The following RRM2 variants were observed in gnomAD, a reference collection of about 807,000 sequenced individuals.
RRM2 encodes the protein ribonucleoside-diphosphate reductase subunit M2.
RRM2 carries 6 observed loss-of-function variants against 45.9 expected under a neutral mutation model. That is an observed-to-expected ratio of 0.13 (90% CI 0.07 to 0.26). The LOEUF is 0.26. RRM2 is among the 10% of genes least tolerant of loss of function. RRM2 has a pLI of 1.00. For missense variants in RRM2, 343 were observed against 489.5 expected (o/e 0.70, Z 2.82); for synonymous variants, 177 against 173.0 (o/e 1.02, Z -0.18).
intron 3 of RRM2, among the ~76,000 whole-genome samples, chr2:10,146,407 A>G (rs1275947915): frequency 6.6e-6 from 1 of 152,224 alleles, no homozygotes; most frequent in Non-Finnish European, 1.5e-5. Context: ...GCTCCCTGGT[A>G]ATTCTCATGT....
At chr2:10,141,776 G>C (rs1031633622) in intron 1 of RRM2, 16 of 1,538,532 alleles carry the variant, frequency 1.0e-5, no homozygotes, top group Middle Eastern at 1.9e-4. Flanking sequence ...GGTGGCCATG[G>C]CCTGGGGCTG....
Position 10,127,120 on chromosome 2 carries a change from G to A in RRM2, c.698G>A (p.Gly233Asp). 6.2e-7 allele frequency: 1 copy of A among 1,614,174 alleles called. No homozygotes were observed. The highest frequency in any genetic ancestry group is 8.5e-7 in the Non-Finnish European group (1 of 1,180,032). ...ERVVAFAAVE[G>D]IFFSGSFASI... ...GTTGTAGCCTTTGCTGCAGTGGAAG[G>A]CATTTTCTTTTCCGGTTCTTTTGCG... The change falls in exon 7 of 10, where the codon GGC becomes GAC. Residue 233 changes from glycine to aspartate, a missense_variant. By Grantham distance (94) the Gly-to-Asp change is moderately conservative (BLOSUM62 -1). This residue lies in a region of RRM2 where 212 missense variants were observed against 368.1 expected (regional missense o/e 0.58). Coordinates refer to ENST00000304567, the MANE Select transcript of RRM2 (RefSeq NM_001034.4). This position sits in a 1 kb window ranked among gnomAD's most constrained non-coding sequence, Gnocchi z 4.1.
rs184015149 is a variant in RRM2 at position 10,127,259 on chromosome 2, A to C, written c.798+39A>C. 6.3e-7 allele frequency: 1 copy of C among 1,598,842 alleles called. No individual in the cohort carries two copies. The highest frequency in any genetic ancestry group is 1.1e-5 in the South Asian group (1 of 90,786). ...AAATAATAGGGTGACCTAAACCCCA[A>C]ACACAACTCGGGCATGCTCTTGTGT... On this transcript the variant is annotated intron_variant, in intron 7 of 9. Transcript: ENST00000304567. This position sits in a 1 kb window ranked among gnomAD's most constrained non-coding sequence, Gnocchi z 4.1.
intron 3 of RRM2, among the ~76,000 whole-genome samples, chr2:10,177,978 G>GCC (rs1329400073): frequency 2.7e-5 from 4 of 150,236 alleles, no homozygotes; most frequent in Middle Eastern, 3.2e-3. Flanking sequence ...CTGGAGTGCA[G>GCC]TGGCGCGATC....
intron 3 of RRM2, among the ~76,000 whole-genome samples, chr2:10,161,030 C>T (rs190425721): frequency 3.9e-4 from 59 of 152,354 alleles, no homozygotes; most frequent in Admixed American, 5.9e-4. Flanking sequence ...CTGAGCTACA[C>T]AGCACTGAGC....
At chr2:10,155,375 T>A (rs1258374965) in intron 3 of RRM2, among the ~76,000 whole-genome samples, 1 of 152,196 alleles carries the variant, frequency 6.6e-6, no homozygotes, top group Non-Finnish European at 1.5e-5. Flanking sequence ...CCTTTTGCTG[T>A]GGACAGAAGG....
At chr2:10,152,476 A>ATT (rs34724080) in intron 3 of RRM2, among the ~76,000 whole-genome samples, 5 of 134,958 alleles carry the variant, frequency 3.7e-5, no homozygotes, top group African/African-American at 1.4e-4. Context: ...TCTGTGTACT[A>ATT]TTTTTTTTTT....
chr2:10,177,516 ATGT>A (rs1160656097), intron 3 of RRM2, among the ~76,000 whole-genome samples: 5 of 152,154 alleles, frequency 3.3e-5, no homozygotes, highest in African/African-American at 9.7e-5. Flanking sequence ...TGTTGATTCA[ATGT>A]CCTCAGATCT....
At chr2:10,190,548 G>A (rs1260019245) in intron 3 of RRM2, among the ~76,000 whole-genome samples, 1 of 150,846 alleles carries the variant, frequency 6.6e-6, no homozygotes, top group African/African-American at 2.4e-5. Flanking sequence ...GATGGTGGTG[G>A]TGAGGATGGT....
upstream of RRM2, among the ~76,000 whole-genome samples, chr2:10,137,194 G>C (rs1166442189): frequency 1.3e-5 from 2 of 152,212 alleles, no homozygotes; most frequent in African/African-American, 2.4e-5. Flanking sequence ...GAGGCTCAGG[G>C]AGGCCATGTG....
At chr2:10,123,596 G>C in intron 3 of RRM2, 66 bp downstream of exon 3, 1 of 1,563,760 alleles carries the variant, frequency 6.4e-7, no homozygotes, top group Non-Finnish European at 8.7e-7. Flanking sequence ...AAATGCACTT[G>C]GAGGTTCCCG....
chr2:10,154,758 C>T (rs1259527693), intron 3 of RRM2, among the ~76,000 whole-genome samples: 10 of 142,168 alleles, frequency 7.0e-5, no homozygotes, highest in Non-Finnish European at 9.0e-5. Flanking sequence ...TGCAGTGGCG[C>T]GATCTCGGCT....
rs762629128 is a variant in RRM2 at position 10,122,876 on chromosome 2, C to T, written c.78C>T (p.Ser26=). The T allele has an allele frequency of 4.4e-6, 7 of 1,597,136 alleles. No homozygotes were observed. In the South Asian group the frequency reaches 4.5e-5, roughly 10 times the overall value. ...QLQLSPLKGL[S]LVDKENTPPA... is the part of the protein sequence containing the mutation. Reference sequence around the variant, plus strand: ...AGCTCTCGCCGCTGAAGGGGCTCAGCTTGGTCGACAAGGAGAACACGGTGA... The same window carrying T: ...AGCTCTCGCCGCTGAAGGGGCTCAGTTTGGTCGACAAGGAGAACACGGTGA... Residue 26 remains serine, a synonymous_variant, in exon 1 of 10, where the codon AGC becomes AGT. Coordinates refer to ENST00000304567, the MANE Select transcript of RRM2 (RefSeq NM_001034.4).
In RRM2 at chr2:10,124,996, C is replaced by T. The variant is rs971390934; in HGVS notation, c.569+146C>T. On this transcript the variant is annotated intron_variant, in intron 5 of 9. Transcript: ENST00000304567. ...CCCAGCACCCGTGGTCATGTCTGCTCTTAGCAAGGGGCCTAAATGCACTTT... is the reference window on the plus strand; with the variant it reads ...CCCAGCACCCGTGGTCATGTCTGCTTTTAGCAAGGGGCCTAAATGCACTTT... 4.4e-5 allele frequency: 29 copies of T among 665,418 alleles called. No individual in the cohort carries two copies. The East Asian group carries it at 7.8e-4, about 18-fold the overall frequency. The allele number at this position is 665,418 out of a possible 1,614,324, so 41.2% of individuals were successfully genotyped here.
intron 3 of RRM2, among the ~76,000 whole-genome samples, chr2:10,194,521 G>A (rs763307054): frequency 2.6e-5 from 4 of 152,242 alleles, no homozygotes; most frequent in South Asian, 2.1e-4. Context: ...ACGTCCCCCC[G>A]TGGCTCCTGG....
chr2:10,193,580 G>A (rs1044896457), intron 3 of RRM2, among the ~76,000 whole-genome samples: 7 of 152,242 alleles, frequency 4.6e-5, no homozygotes, highest in South Asian at 2.1e-4. Context: ...GGCTCTGCTC[G>A]TGTGGGCACA....
In RRM2 at chr2:10,171,153, C is replaced by T. The variant is rs533518902; in HGVS notation, n.482+28778C>T. ...GCACAGACCCCAGGCATCGAGCCTG[C>T]GATGGGGCAACGTGTGGTGTGGAGG... On this transcript the variant is annotated intron_variant and non_coding_transcript_variant, in intron 3 of 3. Transcript: ENST00000381786. This position sits in a 1 kb window ranked among gnomAD's most constrained non-coding sequence, Gnocchi z 4.1. 6.6e-5 allele frequency among the ~76,000 whole-genome samples: 10 copies of T among 152,340 alleles called. No individual in the cohort carries two copies. The highest frequency in any genetic ancestry group is 2.4e-4 in the African/African-American group (10 of 41,574).
At chr2:10,181,229 G>A (rs1190865855) in intron 3 of RRM2, among the ~76,000 whole-genome samples, 3 of 152,192 alleles carry the variant, frequency 2.0e-5, no homozygotes, top group East Asian at 1.9e-4. Flanking sequence ...TTAAGATGAG[G>A]AAACAGGCTT....
At chr2:10,152,426 C>T (rs1663332438) in intron 3 of RRM2, among the ~76,000 whole-genome samples, 1 of 149,980 alleles carries the variant, frequency 6.7e-6, no homozygotes, top group Non-Finnish European at 1.5e-5. Flanking sequence ...TGGTGAAGTC[C>T]AATTTACTGT....
Sources: gnomAD v4.1 joint callset for allele counts (sites outside exome capture counted in the v4.1 genomes callset) on GRCh38, gnomAD v4.1.1 for gene constraint, gnomAD v4.1.1 regional missense constraint, Gnocchi (gnomAD v3.1) non-coding constraint, MANE v1.5 for transcripts, NCBI Gene and HGNC (gene_info 2026-07-23, HGNC 2026-07-21) for gene names.